APBA1: variants seen among roughly 807,000 people sequenced by gnomAD.
APBA1 encodes amyloid beta precursor protein binding family A member 1.
Under a neutral mutation model 86.6 loss-of-function variants are expected in APBA1, and 55 were observed. The observed-to-expected ratio is 0.64, with a 90% CI of 0.51 to 0.80. The LOEUF (loss-of-function observed/expected upper bound fraction) is 0.80. Ranked by LOEUF, APBA1 falls within the 30% of genes least tolerant of loss-of-function variation. The pLI is 0.00. For synonymous variants in APBA1, 511 were observed against 493.9 expected (o/e 1.03, Z -0.46); for missense variants, 1,090 against 1,183.0 (o/e 0.92, Z 1.15).
At chr9:69,453,882 G>A (rs1424353759) in intron 8 of APBA1, among the ~76,000 whole-genome samples, 1 of 152,222 alleles carries the variant, frequency 6.6e-6, no homozygotes, top group African/African-American at 2.4e-5. Context: ...GAGCTTTCTA[G>A]ACTTTGGAAC....
intron 9 of APBA1, among the ~76,000 whole-genome samples, chr9:69,450,746 G>T (rs1266811779): frequency 6.6e-6 from 1 of 151,980 alleles, no homozygotes; most frequent in African/African-American, 2.4e-5. Context: ...TTTTAAATGA[G>T]GTGATTAATA....
At chr9:69,570,022 A>C (rs1967880) in intron 1 of APBA1, among the ~76,000 whole-genome samples, 77,871 of 152,070 alleles carry the variant, frequency 0.51, 22,334 homozygotes, top group East Asian at 0.83. Flanking sequence ...AATATTAATC[A>C]GGGATCTAAG....
intron 2 of APBA1, among the ~76,000 whole-genome samples, chr9:69,477,331 T>C (rs1295909097): frequency 1.3e-5 from 2 of 151,692 alleles, no homozygotes; most frequent in African/African-American, 4.8e-5. Flanking sequence ...GTCAGGGAGT[T>C]CCCTTTCTGA....
Position 69,433,207 on chromosome 9 carries a change from A to C in APBA1, c.2302-531T>G, listed in dbSNP as rs146019618. On this transcript the variant is annotated intron_variant, in intron 11 of 12. Coordinates refer to ENST00000265381, the MANE Select transcript of APBA1 (RefSeq NM_001163.4). ...TTTCCCAATTCAGCGGCCCCTGTTC[A>C]AACTCCCTTCCCACAGAAAAGACAG... 2.7e-3 allele frequency among the ~76,000 whole-genome samples: 406 copies of C among 152,276 alleles called. 2 individuals carry two copies. The highest frequency in any genetic ancestry group is 5.0e-3 in the Non-Finnish European group (339 of 68,006).
At position 69,440,985 on chromosome 9, in the gene APBA1, G is replaced by A. The variant is rs1414939335; in HGVS notation, c.2301+11C>T. ...CATTGTGGAAAAGGGTGTGGAAGGT[G>A]TTCTACTTACAATTCCATTCTGGAC... On this transcript the variant is annotated intron_variant, in intron 11 of 12. Transcript: ENST00000265381. 1 of 1,612,474 alleles carries A rather than the reference G, an allele frequency of 6.2e-7. No homozygotes were observed. The highest frequency in any genetic ancestry group is 2.2e-5 in the East Asian group (1 of 44,866).
chr9:69,456,992 G>A (rs1018654637), intron 7 of APBA1, 61 bp downstream of exon 7: 5 of 1,362,106 alleles, frequency 3.7e-6, no homozygotes, highest in Non-Finnish European at 4.2e-6. Flanking sequence ...ACAGACACAT[G>A]CATCTCTGAG....
intron 1 of APBA1, among the ~76,000 whole-genome samples, chr9:69,548,781 ACT>A (rs1387238731): frequency 1.3e-5 from 2 of 152,120 alleles, no homozygotes. Flanking sequence ...TAGATTGAAC[ACT>A]CTGCTCATTA....
At chr9:69,544,270 T>C (rs73451469) in intron 1 of APBA1, among the ~76,000 whole-genome samples, 42 of 152,364 alleles carry the variant, frequency 2.8e-4, no homozygotes, top group African/African-American at 9.9e-4. Context: ...TTACAAGTCA[T>C]GCTTAAATAT....
chr9:69,472,795 C>A (rs913008365), intron 3 of APBA1, among the ~76,000 whole-genome samples: 2 of 152,146 alleles, frequency 1.3e-5, no homozygotes, highest in African/African-American at 4.8e-5. Context: ...TCATGGGGAG[C>A]AACTCCCTAA....
At chr9:69,465,654 G>A (rs1014242985) in intron 5 of APBA1, 1 of 152,268 alleles carries the variant, frequency 6.6e-6, no homozygotes, top group Non-Finnish European at 1.5e-5. Context: ...TGTTCTATCC[G>A]TAGCATTGTT....
intron 1 of APBA1, among the ~76,000 whole-genome samples, chr9:69,589,342 C>T (rs2133963567): frequency 6.6e-6 from 1 of 152,302 alleles, no homozygotes; most frequent in South Asian, 2.1e-4. Flanking sequence ...TTCCATTGCT[C>T]ATGGGAAAAG....
chr9:69,665,816 A>C (rs1231750104), intron 1 of APBA1, among the ~76,000 whole-genome samples: 1 of 152,140 alleles, frequency 6.6e-6, no homozygotes, highest in African/African-American at 2.4e-5. Flanking sequence ...GCTCACTGCA[A>C]CCTCTGCCTC....
chr9:69,664,013 C>T (rs778921801), intron 1 of APBA1, among the ~76,000 whole-genome samples: 1 of 152,072 alleles, frequency 6.6e-6, no homozygotes, highest in Non-Finnish European at 1.5e-5. Context: ...CTGGATGTGA[C>T]GGCAACTGAT....
intron 2 of APBA1, chr9:69,494,254 T>C (rs550492077): frequency 1.3e-5 from 2 of 152,226 alleles, no homozygotes; most frequent in South Asian, 4.1e-4. Context: ...AGCTAAAATA[T>C]TCTAACCATT....
rs185816001 is a variant in APBA1 at position 69,521,646 on chromosome 9, A to G, written c.-69-4367T>C. ...AGGTAATACAAAACAGAGTAACGCCATAGAAAATGACTGAGGAGAGGACAT... is the reference window on the plus strand; with the variant it reads ...AGGTAATACAAAACAGAGTAACGCCGTAGAAAATGACTGAGGAGAGGACAT... On this transcript the variant is annotated intron_variant, in intron 1 of 12. Transcript: ENST00000265381. 5.0e-3 allele frequency among the ~76,000 whole-genome samples: 760 copies of G among 152,364 alleles called. 5 individuals are homozygous for G. The highest frequency in any genetic ancestry group is 0.017 in the African/African-American group (720 of 41,590).
chr9:69,606,134 C>A (rs1195613905), intron 1 of APBA1, among the ~76,000 whole-genome samples: 10 of 152,228 alleles, frequency 6.6e-5, no homozygotes, highest in Non-Finnish European at 1.3e-4. Flanking sequence ...AGTATGCAAG[C>A]AAATACTGTT....
intron 1 of APBA1, among the ~76,000 whole-genome samples, chr9:69,535,818 G>A (rs1389905436): frequency 1.3e-5 from 2 of 151,910 alleles, no homozygotes; most frequent in Non-Finnish European, 2.9e-5. Context: ...CCTATTATCT[G>A]TTTTTGTATC....
intron 1 of APBA1, among the ~76,000 whole-genome samples, chr9:69,625,204 T>C (rs1412416003): frequency 6.6e-6 from 1 of 152,206 alleles, no homozygotes; most frequent in Non-Finnish European, 1.5e-5. Flanking sequence ...CTGTTCCTTC[T>C]GGAATGTTTT....
At position 69,491,867 on chromosome 9, in the gene APBA1, C is replaced by T. The variant is rs554718335; in HGVS notation, c.1201-15724G>A. On this transcript the variant is annotated intron_variant, in intron 2 of 12. Coordinates refer to ENST00000265381, the MANE Select transcript of APBA1 (RefSeq NM_001163.4). ...GCAACCTCCGCCTCCCAGGTTCAAG[C>T]GATTCTCCTGCCTCAGCCTCCCGAG... Among the ~76,000 whole-genome samples the T allele has an allele frequency of 1.1e-3, 163 of 151,174 alleles. 1 individual carries two copies. The highest frequency in any genetic ancestry group is 3.6e-3 in the African/African-American group (148 of 41,156).
Sources: allele counts gnomAD v4.1 joint callset (sites outside exome capture counted in the v4.1 genomes callset), GRCh38; gene constraint gnomAD v4.1.1; transcripts MANE v1.5; gene names NCBI Gene and HGNC (gene_info 2026-07-23, HGNC 2026-07-21).